ERC2: variants seen among roughly 807,000 people sequenced by gnomAD.
ERC2 encodes the protein ERC protein 2.
Under a neutral mutation model 114.8 loss-of-function variants are expected in ERC2, and 42 were observed. That is an observed-to-expected ratio of 0.37 (90% confidence interval 0.29 to 0.47). The LOEUF is 0.47. Ranked by LOEUF, ERC2 falls within the 20% of genes least tolerant of loss-of-function variation. The pLI is 0.99. For synonymous variants in ERC2, 454 were observed against 425.5 expected (o/e 1.07, Z -0.82); for missense variants, 939 against 1,150.7 (o/e 0.82, Z 2.66).
chr3:55,860,384 G>A (rs996055634), intron 14 of ERC2, among the ~76,000 whole-genome samples: 1 of 152,096 alleles, frequency 6.6e-6, no homozygotes, highest in African/African-American at 2.4e-5. Context: ...TGCACCCCCC[G>A]CCTCATCCGC....
At chr3:55,932,189 G>T (rs2149404753) in intron 13 of ERC2, among the ~76,000 whole-genome samples, 1 of 152,242 alleles carries the variant, frequency 6.6e-6, no homozygotes, top group East Asian at 1.9e-4. Context: ...CTAGAGAAAA[G>T]CTTCCATGAT....
intron 4 of ERC2, among the ~76,000 whole-genome samples, chr3:56,166,748 CA>C (rs1267862114): frequency 6.6e-6 from 1 of 152,036 alleles, no homozygotes; most frequent in African/African-American, 2.4e-5. Context: ...GCCCCACTTT[CA>C]TCCCTGATAT....
chr3:55,971,153 G>A (rs549130220), intron 12 of ERC2, among the ~76,000 whole-genome samples: 37 of 152,140 alleles, frequency 2.4e-4, no homozygotes, highest in South Asian at 4.2e-4. Flanking sequence ...TAGATTAGTC[G>A]TTGCCAGGGG....
chr3:56,048,490 T>C (rs779993695), intron 7 of ERC2, among the ~76,000 whole-genome samples: 1 of 152,164 alleles, frequency 6.6e-6, no homozygotes, highest in Non-Finnish European at 1.5e-5. Flanking sequence ...AATAGCATGC[T>C]CAAGAACAGC....
intron 14 of ERC2, among the ~76,000 whole-genome samples, chr3:55,763,771 A>G (rs866706341): frequency 2.0e-5 from 3 of 152,198 alleles, no homozygotes; most frequent in African/African-American, 7.2e-5. Flanking sequence ...ATATTTTCTC[A>G]CCTTTTATTT....
At chr3:56,047,817 G>A (rs1403916146) in intron 7 of ERC2, among the ~76,000 whole-genome samples, 1 of 152,098 alleles carries the variant, frequency 6.6e-6, no homozygotes, top group Non-Finnish European at 1.5e-5. Flanking sequence ...GGCAAGAGGG[G>A]CCACTTGCAC....
intron 7 of ERC2, among the ~76,000 whole-genome samples, chr3:56,070,250 T>C (rs1169585595): frequency 6.6e-6 from 1 of 152,076 alleles, no homozygotes; most frequent in Non-Finnish European, 1.5e-5. Flanking sequence ...TGGGAGTATG[T>C]AGGGAGAAAA....
chr3:55,650,316 C>T (rs1171967649), intron 17 of ERC2, among the ~76,000 whole-genome samples: 1 of 152,178 alleles, frequency 6.6e-6, no homozygotes, highest in Non-Finnish European at 1.5e-5. Flanking sequence ...ACTTAAGGCT[C>T]AGTGCACACT....
Position 56,183,959 on chromosome 3 carries a change from A to T in ERC2, c.1075-10439T>A, listed in dbSNP as rs111712502. ...GGCTTCAAATTCTAGAGAGACAGGGAAACAGTTTCCATGGAAATAGATAAA... is the reference window on the plus strand; with the variant it reads ...GGCTTCAAATTCTAGAGAGACAGGGTAACAGTTTCCATGGAAATAGATAAA... On this transcript the variant is annotated intron_variant, in intron 3 of 17. Coordinates refer to ENST00000288221, the MANE Select transcript of ERC2 (RefSeq NM_015576.3). Among the ~76,000 whole-genome samples, 417 of 152,248 alleles carry T rather than the reference A, an allele frequency of 2.7e-3. 1 individual carries two copies. The highest frequency in any genetic ancestry group is 9.7e-3 in the African/African-American group (403 of 41,544).
At chr3:55,627,220 C>A (rs1056057736) in intron 17 of ERC2, among the ~76,000 whole-genome samples, 1 of 152,210 alleles carries the variant, frequency 6.6e-6, no homozygotes, top group African/African-American at 2.4e-5. Context: ...GTAATCCCAG[C>A]AATTTAGGAG....
rs182302102 is a variant in ERC2, at chr3:56,149,956, G to A, written c.1150-824C>T. 2.6e-5 allele frequency among the ~76,000 whole-genome samples: 4 copies of A among 152,124 alleles called. No individual in the cohort carries two copies. The East Asian group carries it at 7.7e-4, about 29-fold the overall frequency. On this transcript the variant is annotated intron_variant, in intron 4 of 17. Transcript: ENST00000288221. ...GTAGAGAAGAGAGAGCTCTTATAGG[G>A]TAACCAAAACAAAACAAAAAAAATG...
chr3:55,527,734 C>T (rs984280969), intron 17 of ERC2, among the ~76,000 whole-genome samples: 5 of 152,174 alleles, frequency 3.3e-5, no homozygotes, highest in African/African-American at 1.2e-4. Context: ...GAATGAGAAA[C>T]TCAATCGCAA....
chr3:55,668,736 T>C (rs1394179072), intron 17 of ERC2, among the ~76,000 whole-genome samples: 1 of 152,202 alleles, frequency 6.6e-6, no homozygotes, highest in Non-Finnish European at 1.5e-5. Context: ...TGATGGCAAT[T>C]ATAGATTATG....
intron 6 of ERC2, among the ~76,000 whole-genome samples, chr3:56,108,077 G>A (rs553892588): frequency 6.6e-6 from 1 of 152,254 alleles, no homozygotes; most frequent in East Asian, 1.9e-4. Flanking sequence ...CTTTCACCTA[G>A]GGTCCTTTAG....
intron 2 of ERC2, among the ~76,000 whole-genome samples, chr3:56,344,755 C>T (rs1173732407): frequency 6.6e-6 from 1 of 152,140 alleles, no homozygotes; most frequent in Non-Finnish European, 1.5e-5. Context: ...GATCATTCAC[C>T]GAACAATGAC....
intron 1 of ERC2, among the ~76,000 whole-genome samples, chr3:56,465,192 A>G (rs2107592764): frequency 6.6e-6 from 1 of 152,340 alleles, no homozygotes; most frequent in East Asian, 1.9e-4. Context: ...TGAGGTCAGG[A>G]GTTCAAGACC....
At chr3:55,741,372 GCAC>G (rs2065955191) in intron 14 of ERC2, among the ~76,000 whole-genome samples, 3 of 151,800 alleles carry the variant, frequency 2.0e-5, no homozygotes, top group Admixed American at 2.0e-4. Flanking sequence ...CAGTTCTGAT[GCAC>G]CACTTTTTTT....
chr3:55,558,568 T>A (rs1229071507), intron 17 of ERC2, among the ~76,000 whole-genome samples: 1 of 152,226 alleles, frequency 6.6e-6, no homozygotes, highest in African/African-American at 2.4e-5. Context: ...GCCAACCAGA[T>A]GCAATGCTCT....
At chr3:55,836,410 A>T (rs1559737796) in intron 14 of ERC2, among the ~76,000 whole-genome samples, 1 of 152,222 alleles carries the variant, frequency 6.6e-6, no homozygotes. Flanking sequence ...ACAGAGATAT[A>T]GATCAATGGA....
Sources: allele counts gnomAD v4.1 joint callset (sites outside exome capture counted in the v4.1 genomes callset), GRCh38; gene constraint gnomAD v4.1.1; transcripts MANE v1.5; gene names NCBI Gene and HGNC (gene_info 2026-07-23, HGNC 2026-07-21).